SMIM43: variants seen among roughly 807,000 people sequenced by gnomAD.
SMIM43 encodes Nodal Enhanced MEsendoderm Peptide.
chr4:121,762,963 T>A lies in SMIM43; in HGVS notation c.*207-165A>T, dbSNP rs182761459. Among the ~76,000 whole-genome samples, 3 of 152,348 alleles carry A rather than the reference T, an allele frequency of 2.0e-5. No individual in the cohort carries two copies. The East Asian group carries it at 5.8e-4, about 29-fold the overall frequency. On this transcript the variant is annotated intron_variant, in intron 2 of 5. Transcript: ENST00000643802. ...TCATCTTCAATGTCCATATTAACCATACAACCTTTTAACTAAATGCCACTG... is the reference window on the plus strand; with the variant it reads ...TCATCTTCAATGTCCATATTAACCAAACAACCTTTTAACTAAATGCCACTG...
Position 121,760,203 on chromosome 4 carries a change from T to G in SMIM43, c.*771A>C. 1 of 1,516,644 alleles carries G rather than the reference T, an allele frequency of 6.6e-7. No homozygotes were observed. The highest frequency in any genetic ancestry group is 8.8e-7 in the Non-Finnish European group (1 of 1,134,370). 93.9% of individuals were successfully genotyped at this position (1,516,644 alleles called of 1,614,324 possible). On this transcript the variant is annotated 3_prime_UTR_variant, in exon 6 of 6. Transcript: ENST00000643802. ...CCAGGGCATAAAATGTTAGTTGTCCTCCCAAGATCCACCATCATCTTCTTC... is the reference window on the plus strand; with the variant it reads ...CCAGGGCATAAAATGTTAGTTGTCCGCCCAAGATCCACCATCATCTTCTTC...
At chr4:121,760,551 A>G in intron 5 of SMIM43, 77 bp from the exon 6 acceptor site, 1 of 1,444,614 alleles carries the variant, frequency 6.9e-7, no homozygotes, top group East Asian at 2.6e-5. Context: ...AACCAGCACC[A>G]GCAGCTGCCT....
Position 121,759,396 on chromosome 4 carries a change from A to G in SMIM43, c.*1578T>C, listed in dbSNP as rs1398484059. 6.6e-6 allele frequency: 1 copy of G among 152,222 alleles called. No individual in the cohort carries two copies. The highest frequency in any genetic ancestry group is 1.5e-5 in the Non-Finnish European group (1 of 68,030). 9.4% of individuals were successfully genotyped at this position (152,222 alleles called of 1,614,324 possible). A position where few individuals can be genotyped will look rare whatever the true frequency, so the allele number is the denominator to read the frequency against. ...CTCTCCCAGCTGGTTCTACAACACA[A>G]GAAAGAGAATAAAGTATACCGTGCT... On this transcript the variant is annotated 3_prime_UTR_variant, in exon 6 of 6. Coordinates refer to ENST00000643802, the MANE Select transcript of SMIM43 (RefSeq NM_001384332.1).
intron 3 of SMIM43, among the ~76,000 whole-genome samples, chr4:121,762,180 T>C (rs775172059): frequency 6.6e-6 from 1 of 152,184 alleles, no homozygotes; most frequent in Non-Finnish European, 1.5e-5. Flanking sequence ...CACATAGTGA[T>C]TGTCAGAACA....
chr4:121,761,743 G>A (rs1210599648), intron 4 of SMIM43, 48 bp from the exon 5 acceptor site: 2 of 1,611,000 alleles, frequency 1.2e-6, no homozygotes. Context: ...AGACATTTTA[G>A]ATTTTGCAGG....
Position 121,761,852 on chromosome 4 carries a change from G to A in SMIM43, c.*319C>T, listed in dbSNP as rs4370153. On this transcript the variant is annotated 3_prime_UTR_variant, in exon 4 of 6. Coordinates refer to ENST00000643802, the MANE Select transcript of SMIM43 (RefSeq NM_001384332.1). ...TACAAGTTTGGAAATTAGTGCAACA[G>A]CCAAGATTGTCCTGATAAGATCTGA... 0.86 allele frequency: 1,382,036 copies of A among 1,612,012 alleles called. 592,997 individuals carry two copies. The highest frequency in any genetic ancestry group is 0.93 in the African/African-American group (69,401 of 75,000).
chr4:121,761,324 A>G (rs1438866168), intron 5 of SMIM43, among the ~76,000 whole-genome samples: 1 of 151,748 alleles, frequency 6.6e-6, no homozygotes, highest in Non-Finnish European at 1.5e-5. Flanking sequence ...GCATTACATT[A>G]GTATCTTTAG....
At chr4:121,765,207 C>G (rs1382170254), upstream of SMIM43, 2 of 385,178 alleles carry the variant, frequency 5.2e-6, no homozygotes, top group Non-Finnish European at 9.2e-6. Flanking sequence ...TCCCGCCCCT[C>G]GCGAGGGCGT....
chr4:121,761,149 T>G (rs1452838703), intron 5 of SMIM43, among the ~76,000 whole-genome samples: 1 of 152,140 alleles, frequency 6.6e-6, no homozygotes, highest in African/African-American at 2.4e-5. Flanking sequence ...CATCAAAGAT[T>G]TACAACTCAA....
chr4:121,761,893 C>G lies in SMIM43; in HGVS notation c.*279-1G>C. On this transcript the variant is annotated splice_acceptor_variant, in intron 3 of 5. Coordinates refer to ENST00000643802, the MANE Select transcript of SMIM43 (RefSeq NM_001384332.1). LOFTEE classifies it low-confidence loss of function (3UTR_SPLICE). ...TAAGATCTGAAGCCATTTTGAACAC[C>G]TGAAATTTAGAAACAATGATGAAAT... 1.2e-6 allele frequency: 2 copies of G among 1,601,042 alleles called. No homozygotes were observed. Among genetic ancestry groups the G allele is most frequent in the Non-Finnish European group, 1.7e-6 (2 of 1,174,664 alleles).
chr4:121,764,157 T>C (rs1726222887), intron 1 of SMIM43: 1 of 152,266 alleles, frequency 6.6e-6, no homozygotes, highest in East Asian at 1.9e-4. Flanking sequence ...ATCTTCCAAA[T>C]GACTCTCACT....
In SMIM43 at chr4:121,762,791, T is replaced by A. The variant is rs1016122885; in HGVS notation, c.*214A>T. 1.3e-5 allele frequency: 2 copies of A among 152,224 alleles called. No individual in the cohort carries two copies. The allele number at this position is 152,224 out of a possible 1,614,324, so 9.4% of individuals were successfully genotyped here. The stretch of plus-strand genomic sequence containing the variant: ...GGCAGGTTAAATTCATGGATACCAG[T>A]GGTGCTGCTAGGAAGATTAAAGGAT... On this transcript the variant is annotated 3_prime_UTR_variant, in exon 3 of 6. Coordinates refer to ENST00000643802, the MANE Select transcript of SMIM43 (RefSeq NM_001384332.1).
chr4:121,764,884 G>T lies in SMIM43; in HGVS notation c.*30C>A. On this transcript the variant is annotated 3_prime_UTR_variant, in exon 1 of 6. Transcript: ENST00000643802. ...ACCCAGCCCAGCGCCCGCGCAGCTCGGTGCCCTCCCGCCAGTGCCCGCACT... is the reference window on the plus strand; with the variant it reads ...ACCCAGCCCAGCGCCCGCGCAGCTCTGTGCCCTCCCGCCAGTGCCCGCACT... 1 of 398,028 alleles carries T rather than the reference G, an allele frequency of 2.5e-6. No individual in the cohort carries two copies. Among genetic ancestry groups the T allele is most frequent in the South Asian group, 1.3e-4 (1 of 7,782 alleles). 24.7% of individuals were successfully genotyped at this position (398,028 alleles called of 1,614,324 possible). A position where few individuals can be genotyped will look rare whatever the true frequency, so the allele number is the denominator to read the frequency against.
chr4:121,763,104 A>G (rs1726157069), intron 2 of SMIM43, among the ~76,000 whole-genome samples: 1 of 152,240 alleles, frequency 6.6e-6, no homozygotes, highest in South Asian at 2.1e-4. Flanking sequence ...ACTCTGATAA[A>G]GAGGTGAGGA....
chr4:121,760,994 A>C (rs1335422099), intron 5 of SMIM43, among the ~76,000 whole-genome samples: 1 of 152,132 alleles, frequency 6.6e-6, no homozygotes, highest in Non-Finnish European at 1.5e-5. Context: ...CTGATAATCC[A>C]CCTTCCGGTA....
rs1157696721 is a variant in SMIM43, at chr4:121,759,682, C to T, written c.*1292G>A. 1.3e-5 allele frequency: 2 copies of T among 152,152 alleles called. No homozygotes were observed. The highest frequency in any genetic ancestry group is 1.3e-4 in the Admixed American group (2 of 15,270). 9.4% of individuals were successfully genotyped at this position (152,152 alleles called of 1,614,324 possible). ...GGATGTAGGCTGCTTATAGAAGCAG[C>T]TTTGAGAGGCAATTCTTCTCCCAGG... On this transcript the variant is annotated 3_prime_UTR_variant, in exon 6 of 6. Transcript: ENST00000643802.
At position 121,760,070 on chromosome 4, in the gene SMIM43, C is replaced by T. The variant is rs1725969389; in HGVS notation, c.*904G>A. On this transcript the variant is annotated 3_prime_UTR_variant, in exon 6 of 6. Transcript: ENST00000643802. Reference sequence around the variant, plus strand: ...GAACACCTGACATGCCTTCACTCTGCTCACTCTGTCAGAGGGGAGCAGTGC... The same window carrying T: ...GAACACCTGACATGCCTTCACTCTGTTCACTCTGTCAGAGGGGAGCAGTGC... 3 of 487,882 alleles carry T rather than the reference C, an allele frequency of 6.1e-6. No individual in the cohort carries two copies. The South Asian group carries it at 1.1e-4, about 18-fold the overall frequency. 30.2% of individuals were successfully genotyped at this position (487,882 alleles called of 1,614,324 possible). A position where few individuals can be genotyped will look rare whatever the true frequency, so the allele number is the denominator to read the frequency against.
In SMIM43 at chr4:121,760,369, G is replaced by T. The variant is rs1410749814; in HGVS notation, c.*605C>A. The T allele has an allele frequency of 1.2e-6, 2 of 1,611,026 alleles. No homozygotes were observed. Among genetic ancestry groups the T allele is most frequent in the Admixed American group, 3.4e-5 (2 of 59,414 alleles). On this transcript the variant is annotated 3_prime_UTR_variant, in exon 6 of 6. Transcript: ENST00000643802. The stretch of plus-strand genomic sequence containing the variant: ...AGATGAAGGCAAAAGTTATTGGGCT[G>T]CTGAGGAAGCTCTTTAAAAGGAAGT...
chr4:121,761,665 A>C lies in SMIM43; in HGVS notation c.*372T>G. 6.2e-7 allele frequency: 1 copy of C among 1,613,664 alleles called. No individual in the cohort carries two copies. The highest frequency in any genetic ancestry group is 2.2e-5 in the East Asian group (1 of 44,880). ...CTCTTATTCTGTAGAATCGCACCAG[A>C]TGGCATCAGTTCTGCATCTACAGCT... On this transcript the variant is annotated 3_prime_UTR_variant, in exon 5 of 6. Coordinates refer to ENST00000643802, the MANE Select transcript of SMIM43 (RefSeq NM_001384332.1).
Sources: gnomAD v4.1 joint callset for allele counts (sites outside exome capture counted in the v4.1 genomes callset) on GRCh38, gnomAD v4.1.1 for gene constraint, MANE v1.5 for transcripts, NCBI Gene and HGNC (gene_info 2026-07-23, HGNC 2026-07-21) for gene names.